TNRC6C: variants seen among roughly 807,000 people sequenced by gnomAD.
TNRC6C encodes trinucleotide repeat containing adaptor 6C.
Under a neutral mutation model 153.7 loss-of-function variants are expected in TNRC6C, and 20 were observed. That is an observed-to-expected ratio of 0.13 (90% CI 0.09 to 0.19). The LOEUF is 0.19. TNRC6C is among the 10% of genes least tolerant of loss of function. The pLI is 1.00. For missense variants in TNRC6C, 1,987 were observed against 2,172.0 expected (o/e 0.91, Z 1.69); for synonymous variants, 811 against 841.4 (o/e 0.96, Z 0.63).
chr17:78,041,355 T>A (rs528837896), intron 2 of TNRC6C, among the ~76,000 whole-genome samples: 114 of 152,316 alleles, frequency 7.5e-4, no homozygotes, highest in African/African-American at 2.7e-3. Flanking sequence ...TTCCCTACTG[T>A]GGTTTCTCTC....
intron 2 of TNRC6C, among the ~76,000 whole-genome samples, chr17:78,036,411 G>T (rs1346747263): frequency 1.3e-5 from 2 of 152,148 alleles, no homozygotes. Context: ...TCCCATGGAA[G>T]TAAGTGTTAT....
chr17:78,016,884 C>T (rs1287783154), intron 1 of TNRC6C, among the ~76,000 whole-genome samples: 1 of 152,160 alleles, frequency 6.6e-6, no homozygotes, highest in Non-Finnish European at 1.5e-5. Flanking sequence ...CCTTTTATCC[C>T]CCCGCCCTTG....
intron 1 of TNRC6C, among the ~76,000 whole-genome samples, chr17:77,996,326 AAG>A (rs1457900657): frequency 6.6e-6 from 1 of 152,186 alleles, no homozygotes; most frequent in Non-Finnish European, 1.5e-5. Flanking sequence ...GGAGAAAAAA[AAG>A]AGGAACATTT....
chr17:77,995,576 A>G (rs1343153929), intron 1 of TNRC6C, among the ~76,000 whole-genome samples: 1 of 152,230 alleles, frequency 6.6e-6, no homozygotes. Flanking sequence ...CAGAATACAT[A>G]TTCCTAAGAT....
intron 1 of TNRC6C, among the ~76,000 whole-genome samples, chr17:77,978,192 C>A (rs1221269666): frequency 1.3e-5 from 2 of 152,060 alleles, no homozygotes; most frequent in Admixed American, 6.5e-5. Context: ...CCACCGCGCC[C>A]GGCCTAAAAC....
intron 3 of TNRC6C, among the ~76,000 whole-genome samples, chr17:78,063,120 C>T (rs1222692604): frequency 6.6e-6 from 1 of 151,836 alleles, no homozygotes; most frequent in Non-Finnish European, 1.5e-5. Context: ...TTGTTGCGTG[C>T]CTGTAGTCCC....
intron 1 of TNRC6C, among the ~76,000 whole-genome samples, chr17:77,984,092 A>C (rs1229944495): frequency 1.3e-5 from 2 of 152,120 alleles, no homozygotes; most frequent in East Asian, 3.9e-4. Flanking sequence ...GTTTATGTAA[A>C]TCCACATCCA....
intron 1 of TNRC6C, among the ~76,000 whole-genome samples, chr17:77,987,975 C>T (rs1209387739): frequency 2.0e-5 from 3 of 152,052 alleles, no homozygotes; most frequent in African/African-American, 4.8e-5. Flanking sequence ...CCACCGTGCC[C>T]GGCCTGAAGT....
At chr17:77,985,142 CTT>C (rs2071144316) in intron 1 of TNRC6C, among the ~76,000 whole-genome samples, 1 of 152,146 alleles carries the variant, frequency 6.6e-6, no homozygotes, top group South Asian at 2.1e-4. Flanking sequence ...TTACCACAAA[CTT>C]AAGAGGTTTA....
chr17:78,102,352 T>C, intron 17 of TNRC6C, 122 bp from the exon 21 acceptor site: 2 of 873,156 alleles, frequency 2.3e-6, no homozygotes, highest in South Asian at 1.8e-5. Flanking sequence ...TGAGAAAGGC[T>C]TTCCTAAAGC....
At chr17:78,048,854 A>T in exon 3 of TNRC6C, 1 of 1,238,506 alleles carries the variant, frequency 8.1e-7, no homozygotes, top group Non-Finnish European at 1.0e-6. Flanking sequence ...GATCTCAGTC[A>T]TAGTGGATTG....
chr17:78,017,387 T>C (rs764379295), intron 1 of TNRC6C, among the ~76,000 whole-genome samples: 7 of 152,206 alleles, frequency 4.6e-5, no homozygotes, highest in Non-Finnish European at 8.8e-5. Context: ...TCTTTTCCCA[T>C]GTTGCATTCC....
At chr17:78,032,064 C>T (rs557051750) in intron 2 of TNRC6C, among the ~76,000 whole-genome samples, 1 of 152,198 alleles carries the variant, frequency 6.6e-6, no homozygotes, top group Non-Finnish European at 1.5e-5. Flanking sequence ...TGAGCTACTT[C>T]AGCTGAGCTT....
intron 1 of TNRC6C, among the ~76,000 whole-genome samples, chr17:78,022,895 C>G (rs1388452579): frequency 6.6e-6 from 1 of 152,082 alleles, no homozygotes; most frequent in African/African-American, 2.4e-5. Flanking sequence ...ATGTGCAGAC[C>G]TTTTTTTCTT....
intron 3 of TNRC6C, among the ~76,000 whole-genome samples, chr17:78,055,956 A>G (rs919126351): frequency 5.9e-5 from 9 of 152,180 alleles, no homozygotes; most frequent in Non-Finnish European, 1.2e-4. Context: ...ATGACACCCT[A>G]CAGAGGTTAG....
Position 78,086,840 on chromosome 17 carries a change from C to G in TNRC6C, c.3562-13C>G. ...TCCCACCTAGTTAACGCACCTATGT[C>G]TCTGCCTGCCAGGTTGCGCGCACAA... is the stretch of plus-strand genomic sequence containing the variant. On this transcript the variant is annotated splice_polypyrimidine_tract_variant and intron_variant, in intron 12 of 19. Transcript: ENST00000301624. 6.2e-7 allele frequency: 1 copy of G among 1,610,256 alleles called. No individual in the cohort carries two copies. Among genetic ancestry groups the G allele is most frequent in the Non-Finnish European group, 8.5e-7 (1 of 1,178,850 alleles).
At chr17:78,026,937 TTAGATG>T (rs2071952700) in intron 1 of TNRC6C, among the ~76,000 whole-genome samples, 1 of 152,022 alleles carries the variant, frequency 6.6e-6, no homozygotes. Flanking sequence ...TGGTGATTGA[TTAGATG>T]TAGGAGAGAT....
chr17:78,035,363 T>C (rs1330909747), intron 2 of TNRC6C, among the ~76,000 whole-genome samples: 1 of 152,238 alleles, frequency 6.6e-6, no homozygotes, highest in Non-Finnish European at 1.5e-5. Context: ...TTGACTCATC[T>C]TTGAAATGAA....
chr17:77,994,384 A>G (rs1343889652), intron 1 of TNRC6C, among the ~76,000 whole-genome samples: 1 of 152,212 alleles, frequency 6.6e-6, no homozygotes, highest in Non-Finnish European at 1.5e-5. Context: ...GCAGATTGTC[A>G]TCGGACTTTC....
Sources: gnomAD v4.1 joint callset for allele counts (sites outside exome capture counted in the v4.1 genomes callset) on GRCh38, gnomAD v4.1.1 for gene constraint, MANE v1.5 for transcripts, NCBI Gene and HGNC (gene_info 2026-07-23, HGNC 2026-07-21) for gene names.